The following MARK3 variants were observed in gnomAD, a reference collection of about 807,000 sequenced individuals.
MARK3 encodes MAP/microtubule affinity-regulating kinase 3.
Under a neutral mutation model 90.1 loss-of-function variants are expected in MARK3, and 46 were observed. The ratio of observed to expected loss-of-function variants is 0.51; its 90% CI spans 0.40 to 0.65. The LOEUF is 0.65. MARK3 is among the 30% of genes least tolerant of loss of function. The pLI is 0.00. For synonymous variants in MARK3, 321 were observed against 332.6 expected (o/e 0.97, Z 0.38); for missense variants, 818 against 947.2 (o/e 0.86, Z 1.79).
At chr14:103,500,353 C>T (rs1566949468) in intron 17 of MARK3, among the ~76,000 whole-genome samples, 153 bp downstream of exon 17, 1 of 152,220 alleles carries the variant, frequency 6.6e-6, no homozygotes, top group Non-Finnish European at 1.5e-5. Context: ...GCCAGCCTGC[C>T]ATGAGCACCG....
intron 3 of MARK3, among the ~76,000 whole-genome samples, chr14:103,440,702 A>G (rs1237652014): frequency 6.6e-6 from 1 of 152,074 alleles, no homozygotes; most frequent in Non-Finnish European, 1.5e-5. Flanking sequence ...GGAGCCTGAG[A>G]TGGGAAGATC....
chr14:103,452,471 C>CTTTTTTTTTTTTTTTGTTTTTTTT (rs2093170647), intron 5 of MARK3, among the ~76,000 whole-genome samples: 1 of 97,472 alleles, frequency 1.0e-5, no homozygotes, highest in Non-Finnish European at 2.2e-5. Flanking sequence ...CAGGATTTGT[C>CTTTTTTTTTTTTTTTGTTTTTTTT]TTTTTTTTTT....
Position 103,503,403 on chromosome 14 carries a change from A to G in MARK3, c.*176A>G. On this transcript the variant is annotated 3_prime_UTR_variant, in exon 18 of 18. Transcript: ENST00000429436. ...CTGGCCTTTTTTCTACGAATGCACT[A>G]CATTAAAGATGTGCAACCTATGCGC... is the stretch of plus-strand genomic sequence containing the variant. The G allele has an allele frequency of 1.6e-6, 1 of 629,862 alleles. No homozygotes were observed. The highest frequency in any genetic ancestry group is 2.1e-5 in the South Asian group (1 of 48,460). 39.0% of individuals were successfully genotyped at this position (629,862 alleles called of 1,614,324 possible). A position where few individuals can be genotyped will look rare whatever the true frequency, so the allele number is the denominator to read the frequency against.
chr14:103,406,347 C>T (rs2091295573), intron 2 of MARK3, among the ~76,000 whole-genome samples: 1 of 151,858 alleles, frequency 6.6e-6, no homozygotes, highest in Non-Finnish European at 1.5e-5. Context: ...GCCTCAGCCT[C>T]CTGAGTAGCT....
chr14:103,391,710 T>C (rs1370482614), intron 1 of MARK3, among the ~76,000 whole-genome samples: 2 of 8,408 alleles, frequency 2.4e-4, no homozygotes, highest in Non-Finnish European at 2.9e-3. Context: ...TGCCTGGCTA[T>C]TTTTTTTTTT....
chr14:103,427,847 C>T (rs2092461389), intron 2 of MARK3, among the ~76,000 whole-genome samples: 1 of 152,098 alleles, frequency 6.6e-6, no homozygotes, highest in Non-Finnish European at 1.5e-5. Flanking sequence ...TGGGTTTTGG[C>T]CTGCTTCTTT....
At chr14:103,497,831 A>G in intron 15 of MARK3, among the ~76,000 whole-genome samples, 1 of 152,240 alleles carries the variant, frequency 6.6e-6, no homozygotes, top group Non-Finnish European at 1.5e-5. Flanking sequence ...TTTTGTTCAT[A>G]AGGTATTCTG....
chr14:103,474,373 A>C (rs1163113712), intron 12 of MARK3, among the ~76,000 whole-genome samples: 2 of 151,514 alleles, frequency 1.3e-5, no homozygotes, highest in African/African-American at 4.9e-5. Context: ...TTAGTCTGTC[A>C]TCCACATGTC....
intron 2 of MARK3, among the ~76,000 whole-genome samples, chr14:103,415,177 A>G (rs2091891234): frequency 1.3e-5 from 2 of 148,678 alleles, no homozygotes; most frequent in South Asian, 4.3e-4. Context: ...AAAAAAAAAG[A>G]TACTCATGAA....
intron 15 of MARK3, among the ~76,000 whole-genome samples, chr14:103,492,681 A>T (rs1246176015): frequency 1.3e-5 from 2 of 152,190 alleles, no homozygotes; most frequent in African/African-American, 2.4e-5. Flanking sequence ...GAAATTTTTT[A>T]AAATGTTCCA....
intron 11 of MARK3, chr14:103,467,588 C>T (rs1468101513): frequency 6.5e-6 from 1 of 153,258 alleles, no homozygotes; most frequent in Non-Finnish European, 1.4e-5. Context: ...GGCAAGAGAA[C>T]TGCTTGACCC....
At chr14:103,498,778 G>A in intron 16 of MARK3, 1 of 245,662 alleles carries the variant, frequency 4.1e-6, no homozygotes, top group Non-Finnish European at 7.6e-6. Flanking sequence ...TTCTTTGGTA[G>A]AATTATTTAG....
chr14:103,393,239 G>A (rs933552462), intron 1 of MARK3, among the ~76,000 whole-genome samples: 4 of 151,880 alleles, frequency 2.6e-5, no homozygotes, highest in Non-Finnish European at 4.4e-5. Context: ...TTCCCTCCTC[G>A]GCCTCCCAAA....
intron 6 of MARK3, chr14:103,458,802 G>A (rs1298892762): frequency 1.5e-6 from 1 of 688,976 alleles, no homozygotes; most frequent in East Asian, 2.6e-5. Context: ...ATTTGTAAGT[G>A]ATAGGACTTA....
chr14:103,389,548 A>G (rs1356520341), intron 1 of MARK3, among the ~76,000 whole-genome samples: 25 of 143,042 alleles, frequency 1.7e-4, no homozygotes, highest in African/African-American at 5.9e-4. Context: ...AAAAAAAAAA[A>G]GCAGACAACT....
At chr14:103,430,584 A>G (rs1805774160) in intron 3 of MARK3, among the ~76,000 whole-genome samples, 7 of 152,204 alleles carry the variant, frequency 4.6e-5, no homozygotes, top group Admixed American at 4.6e-4. Context: ...ACATTCTGCC[A>G]TCAGCAGTGT....
intron 12 of MARK3, among the ~76,000 whole-genome samples, chr14:103,470,453 C>CTCTTTTTTTTTTTTT (rs1555396272): frequency 4.1e-5 from 1 of 24,186 alleles, no homozygotes; most frequent in Admixed American, 6.5e-4. Context: ...GGAACTAAAT[C>CTCTTTTTTTTTTTTT]TATTTTTTTT....
rs780038284 is a variant in MARK3 at position 103,466,295 on chromosome 14, T to C, written c.898-48T>C. ...TAAATTTTTGTAAATATTACGGTTA[T>C]CAGAATATTTCATTTTACTCTGCTA... On this transcript the variant is annotated intron_variant, in intron 9 of 17. Transcript: ENST00000429436. The C allele has an allele frequency of 1.1e-5, 16 of 1,394,434 alleles. No homozygotes were observed. The South Asian group carries it at 2.0e-4, about 17-fold the overall frequency. 86.4% of individuals were successfully genotyped at this position (1,394,434 alleles called of 1,614,324 possible).
chr14:103,389,033 T>G (rs2090020794), intron 1 of MARK3, among the ~76,000 whole-genome samples: 1 of 152,164 alleles, frequency 6.6e-6, no homozygotes, highest in South Asian at 2.1e-4. Context: ...AGTAATTGTA[T>G]ATAACTGTGA....
Sources: gnomAD v4.1 joint callset for allele counts (sites outside exome capture counted in the v4.1 genomes callset) on GRCh38, gnomAD v4.1.1 for gene constraint, MANE v1.5 for transcripts, NCBI Gene and HGNC (gene_info 2026-07-23, HGNC 2026-07-21) for gene names.